RALGAPA2: variants seen among roughly 807,000 people sequenced by gnomAD.
The protein encoded by RALGAPA2 is Ral GTPase activating protein catalytic subunit alpha 2.
A neutral mutation model predicts 230.4 loss-of-function variants in RALGAPA2; 139 were observed. That is an observed-to-expected ratio of 0.60 (90% CI 0.53 to 0.69). RALGAPA2 has a LOEUF of 0.69. Among genes scored for constraint, RALGAPA2 ranks in the 30% least tolerant of loss-of-function variants. The pLI, the probability that RALGAPA2 is intolerant of heterozygous loss-of-function variation, is 0.00. For synonymous variants in RALGAPA2, 847 were observed against 837.8 expected, an observed-to-expected ratio of 1.01 and a Z score of -0.19; for missense variants, 2,163 against 2,276.0, an observed-to-expected ratio of 0.95 and a Z score of 1.01.
intron 20 of RALGAPA2, among the ~76,000 whole-genome samples, chr20:20,577,100 G>A (rs1568601448): frequency 6.6e-6 from 1 of 151,924 alleles, no homozygotes. Context: ...TACAAATAAA[G>A]CCGGACTGAT....
At chr20:20,469,429 C>T (rs757386278) in intron 37 of RALGAPA2, among the ~76,000 whole-genome samples, 12 of 152,140 alleles carry the variant, frequency 7.9e-5, no homozygotes, top group African/African-American at 1.4e-4. Context: ...CTATCAAACA[C>T]ATATGTTAAC....
chr20:20,564,758 C>G (rs1053280377), intron 23 of RALGAPA2, among the ~76,000 whole-genome samples: 3 of 152,144 alleles, frequency 2.0e-5, no homozygotes, highest in African/African-American at 7.2e-5. Flanking sequence ...ATTTTAGTTC[C>G]CAGTATCAGG....
At chr20:20,546,586 G>C in intron 24 of RALGAPA2, 118 bp downstream of exon 24, 1 of 1,281,928 alleles carries the variant, frequency 7.8e-7, no homozygotes, top group Non-Finnish European at 1.0e-6. Context: ...TCTACCCTGA[G>C]AGCCCAGTTT....
At chr20:20,458,856 CTATATA>C (rs200853897) in intron 37 of RALGAPA2, among the ~76,000 whole-genome samples, 2 of 88,246 alleles carry the variant, frequency 2.3e-5, no homozygotes, top group Non-Finnish European at 4.4e-5. Context: ...ATATATAGAC[CTATATA>C]TATATATATA....
chr20:20,483,051 T>TA (rs1240382374), intron 36 of RALGAPA2, among the ~76,000 whole-genome samples: 1 of 152,198 alleles, frequency 6.6e-6, no homozygotes, highest in African/African-American at 2.4e-5. Flanking sequence ...GAGCTGAAGG[T>TA]ACATTCACTG....
chr20:20,505,277 ATTC>A (rs2031429306), intron 34 of RALGAPA2, 131 bp downstream of exon 34: 2 of 1,238,952 alleles, frequency 1.6e-6, no homozygotes, highest in Non-Finnish European at 2.1e-6. Flanking sequence ...AATCCAATAA[ATTC>A]TTCAATTCCA....
intron 33 of RALGAPA2, 33 bp downstream of exon 33, chr20:20,511,221 A>C: frequency 6.4e-7 from 1 of 1,554,982 alleles, no homozygotes; most frequent in Non-Finnish European, 8.7e-7. Context: ...AAAGACAAAC[A>C]GGAAAAAAGT....
intron 30 of RALGAPA2, among the ~76,000 whole-genome samples, chr20:20,522,958 A>T (rs959638060): frequency 1.3e-5 from 2 of 152,244 alleles, no homozygotes; most frequent in African/African-American, 4.8e-5. Context: ...TAATATAGTT[A>T]TTAAAATCTT....
At chr20:20,428,816 A>T (rs2060444305) in intron 37 of RALGAPA2, among the ~76,000 whole-genome samples, 1 of 140,348 alleles carries the variant, frequency 7.1e-6, no homozygotes, top group African/African-American at 2.7e-5. Flanking sequence ...GATATTTACT[A>T]AGTGCCTCCT....
intron 28 of RALGAPA2, among the ~76,000 whole-genome samples, chr20:20,525,157 C>A (rs1235274373): frequency 6.6e-6 from 1 of 152,146 alleles, no homozygotes; most frequent in Non-Finnish European, 1.5e-5. Context: ...TTTCTCTCTG[C>A]AGTCACATAA....
In RALGAPA2 at chr20:20,396,686, CTG is replaced by C; in HGVS notation, c.*35+7_*35+8del. 6.2e-7 allele frequency: 1 copy of C among 1,606,274 alleles called. No homozygotes were observed. Among genetic ancestry groups the C allele is most frequent in the Non-Finnish European group, 8.5e-7 (1 of 1,174,158 alleles). Reference sequence around the variant, plus strand: ...TGGCTGGACAAATCCACTGAAGTGTCTGTCTTACCTTGCTCAAATATTGAAAT... The same window carrying C: ...TGGCTGGACAAATCCACTGAAGTGTCTCTTACCTTGCTCAAATATTGAAAT... On this transcript the variant is annotated splice_region_variant and intron_variant, in intron 39 of 39. Transcript: ENST00000202677.
intron 2 of RALGAPA2, among the ~76,000 whole-genome samples, chr20:20,679,405 C>G (rs764520458): frequency 1.3e-5 from 2 of 152,168 alleles, no homozygotes; most frequent in Non-Finnish European, 2.9e-5. Flanking sequence ...ATCACCATCC[C>G]TCAGATGAAT....
intron 37 of RALGAPA2, among the ~76,000 whole-genome samples, chr20:20,430,524 G>C (rs2060478924): frequency 1.3e-5 from 2 of 152,218 alleles, no homozygotes; most frequent in African/African-American, 4.8e-5. Flanking sequence ...GTGATAAGGA[G>C]AGTAGTCATT....
intron 18 of RALGAPA2, among the ~76,000 whole-genome samples, chr20:20,586,572 C>T (rs1431732582): frequency 1.3e-5 from 2 of 152,034 alleles, no homozygotes; most frequent in African/African-American, 2.4e-5. Flanking sequence ...TTCAGAATTG[C>T]AATTTGTAAA....
intron 37 of RALGAPA2, among the ~76,000 whole-genome samples, chr20:20,462,489 C>T (rs1362418351): frequency 1.3e-5 from 2 of 152,084 alleles, no homozygotes; most frequent in Non-Finnish European, 2.9e-5. Flanking sequence ...ACCCTGGCCC[C>T]AATGGTCTCT....
Position 20,712,271 on chromosome 20 carries a change from C to G in RALGAPA2, c.106+104G>C. ...GAAGGGGGTCGGACGCCCACCCATCCCCCTCCCCAGCCTCCCAGCCACCGA... is the reference window on the plus strand; with the variant it reads ...GAAGGGGGTCGGACGCCCACCCATCGCCCTCCCCAGCCTCCCAGCCACCGA... On this transcript the variant is annotated intron_variant, in intron 1 of 39. Coordinates refer to ENST00000202677, the MANE Select transcript of RALGAPA2 (RefSeq NM_020343.4). The surrounding 1 kb of genome is among the most constrained non-coding windows in gnomAD (Gnocchi z 5.5). 2.2e-6 allele frequency: 2 copies of G among 913,804 alleles called. No homozygotes were observed. Among genetic ancestry groups the G allele is most frequent in the South Asian group, 3.5e-5 (2 of 57,948 alleles). The allele number at this position is 913,804 out of a possible 1,614,324, so 56.6% of individuals were successfully genotyped here.
chr20:20,528,117 A>G (rs1312162139), intron 27 of RALGAPA2, among the ~76,000 whole-genome samples: 5 of 152,292 alleles, frequency 3.3e-5, no homozygotes, highest in Non-Finnish European at 1.5e-5. Flanking sequence ...GGCAAGGCCC[A>G]GGCACCAAGG....
chr20:20,595,664 G>A (rs931984598), intron 16 of RALGAPA2, among the ~76,000 whole-genome samples: 2 of 152,060 alleles, frequency 1.3e-5, no homozygotes, highest in African/African-American at 4.8e-5. Flanking sequence ...AGTTAAAATT[G>A]TAGAACAGAC....
intron 37 of RALGAPA2, among the ~76,000 whole-genome samples, chr20:20,417,245 T>C (rs140822729): frequency 3.8e-4 from 58 of 152,324 alleles, no homozygotes; most frequent in African/African-American, 1.3e-3. Context: ...TAAGCCTCCT[T>C]ATGTTAGTTT....
Sources: allele counts gnomAD v4.1 joint callset (sites outside exome capture counted in the v4.1 genomes callset), GRCh38; gene constraint gnomAD v4.1.1; non-coding constraint Gnocchi (gnomAD v3.1); transcripts MANE v1.5; gene names NCBI Gene and HGNC (gene_info 2026-07-23, HGNC 2026-07-21).